BRIP1: variants seen among roughly 807,000 people sequenced by gnomAD.
BRIP1 encodes Fanconi anemia group J protein.
A neutral mutation model predicts 119.7 loss-of-function variants in BRIP1; 88 were observed. The ratio of observed to expected loss-of-function variants is 0.74; its 90% CI spans 0.62 to 0.88. BRIP1 has a LOEUF of 0.88. BRIP1 is among the 40% of genes least tolerant of loss of function. The probability of loss-of-function intolerance (pLI) is 0.00; values close to 1 mark genes in which losing one functional copy is unlikely to be tolerated. For synonymous variants in BRIP1, 443 were observed against 496.5 expected, an observed-to-expected ratio of 0.89 and a Z score of 1.43; for missense variants, 1,259 against 1,455.4, an observed-to-expected ratio of 0.87 and a Z score of 2.20.
intron 9 of BRIP1, among the ~76,000 whole-genome samples, chr17:61,797,015 G>A (rs2077910119): frequency 6.6e-6 from 1 of 151,952 alleles, no homozygotes; most frequent in African/African-American, 2.4e-5. Context: ...CAGAACACAG[G>A]AAGAAAAGCA....
At position 61,756,522 on chromosome 17, in the gene BRIP1, C is replaced by G. The variant is rs1024669483; in HGVS notation, c.2098-11931G>C. 1.3e-5 allele frequency among the ~76,000 whole-genome samples: 2 copies of G among 152,136 alleles called. No individual in the cohort carries two copies. The highest frequency in any genetic ancestry group is 4.8e-5 in the African/African-American group (2 of 41,428). ...GTTCACATCACTTCAATTTGTTAACCTCAGAGGCAATTTTTTTTAAAGTCA... is the reference window on the plus strand; with the variant it reads ...GTTCACATCACTTCAATTTGTTAACGTCAGAGGCAATTTTTTTTAAAGTCA... On this transcript the variant is annotated intron_variant, in intron 14 of 19. Transcript: ENST00000259008. The surrounding 1 kb of genome is among the most constrained non-coding windows in gnomAD (Gnocchi z 4.3).
In BRIP1 at chr17:61,686,750, A is replaced by C. The variant is rs2061370959; in HGVS notation, c.2576-585T>G. Among the ~76,000 whole-genome samples the C allele has an allele frequency of 6.6e-6, 1 of 152,044 alleles. No individual in the cohort carries two copies. The highest frequency in any genetic ancestry group is 2.4e-5 in the African/African-American group (1 of 41,416). ...TATAATTATTTTTAATATATAATCA[A>C]GTTATAAAGGATATGATTTGACCTG... On this transcript the variant is annotated intron_variant, in intron 18 of 19. Transcript: ENST00000259008. This position sits in a 1 kb window ranked among gnomAD's most constrained non-coding sequence, Gnocchi z 5.4.
At chr17:61,818,996 G>T (rs555092355) in intron 6 of BRIP1, among the ~76,000 whole-genome samples, 13 of 152,084 alleles carry the variant, frequency 8.5e-5, no homozygotes, top group Non-Finnish European at 1.8e-4. Context: ...GACCAGCCTG[G>T]CCAACTTGGT....
chr17:61,733,872 A>ACTT (rs2076883896), intron 16 of BRIP1, among the ~76,000 whole-genome samples: 1 of 152,104 alleles, frequency 6.6e-6, no homozygotes, highest in Non-Finnish European at 1.5e-5. Flanking sequence ...TTGTAAGGGC[A>ACTT]CTTCTGACAA....
Position 61,739,165 on chromosome 17 carries a change from A to G in BRIP1, c.2379+3848T>C, listed in dbSNP as rs757772780. On this transcript the variant is annotated intron_variant, in intron 16 of 19. Coordinates refer to ENST00000259008, the MANE Select transcript of BRIP1 (RefSeq NM_032043.3). This position sits in a 1 kb window ranked among gnomAD's most constrained non-coding sequence, Gnocchi z 6.0. ...TTAACAAAGCAGCCTTAGTGCAATA[A>G]TGTAGAGCTAGAGTAAAATGATAAG... 1.2e-4 allele frequency: 22 copies of G among 181,926 alleles called. No individual in the cohort carries two copies. Among genetic ancestry groups the G allele is most frequent in the Admixed American group, 3.1e-4 (5 of 15,982 alleles). 11.3% of individuals were successfully genotyped at this position (181,926 alleles called of 1,614,324 possible).
Position 61,845,635 on chromosome 17 carries a change from G to A in BRIP1, c.627+1466C>T, listed in dbSNP as rs1362023385. Among the ~76,000 whole-genome samples, 1 of 152,058 alleles carries A rather than the reference G, an allele frequency of 6.6e-6. No individual in the cohort carries two copies. Among genetic ancestry groups the A allele is most frequent in the Non-Finnish European group, 1.5e-5 (1 of 68,012 alleles). On this transcript the variant is annotated intron_variant, in intron 6 of 19. Transcript: ENST00000259008. The surrounding 1 kb of genome is among the most constrained non-coding windows in gnomAD (Gnocchi z 4.2). ...CATTTTATCATAAAGAATTACCATG[G>A]TTAGTATATCATTCACTCTTTTTCA...
At chr17:61,764,827 G>A (rs1447498552) in intron 14 of BRIP1, among the ~76,000 whole-genome samples, 1 of 152,060 alleles carries the variant, frequency 6.6e-6, no homozygotes, top group African/African-American at 2.4e-5. Flanking sequence ...AGCACAGGGA[G>A]TTAGGATGAA....
chr17:61,786,757 T>C (rs188270940), intron 10 of BRIP1, among the ~76,000 whole-genome samples: 1,891 of 136,104 alleles, frequency 0.014, 39 homozygotes, highest in African/African-American at 0.047. Flanking sequence ...CTATATTATA[T>C]ATTTTATATA....
rs549396136 is a variant in BRIP1, at chr17:61,851,637, A to G, written c.380-2381T>C. ...ATGAGTCTATCACTGTGCTAACCTC[A>G]GTCTGTCTTAATTACTCTATATTTA... On this transcript the variant is annotated intron_variant, in intron 4 of 19. Coordinates refer to ENST00000259008, the MANE Select transcript of BRIP1 (RefSeq NM_032043.3). This position sits in a 1 kb window ranked among gnomAD's most constrained non-coding sequence, Gnocchi z 4.6. 6.6e-6 allele frequency among the ~76,000 whole-genome samples: 1 copy of G among 152,286 alleles called. No homozygotes were observed. Among genetic ancestry groups the G allele is most frequent in the African/African-American group, 2.4e-5 (1 of 41,558 alleles).
intron 6 of BRIP1, among the ~76,000 whole-genome samples, chr17:61,833,780 T>G (rs1470038620): frequency 6.6e-6 from 1 of 152,050 alleles, no homozygotes; most frequent in Non-Finnish European, 1.5e-5. Flanking sequence ...AGGCAAGAGA[T>G]TCACACTAAC....
rs1215298419 is a variant in BRIP1 at position 61,823,424 on chromosome 17, T to C, written c.628-14667A>G. 6.6e-6 allele frequency among the ~76,000 whole-genome samples: 1 copy of C among 152,204 alleles called. No homozygotes were observed. Among genetic ancestry groups the C allele is most frequent in the African/African-American group, 2.4e-5 (1 of 41,452 alleles). ...CAAAGAGGTGATAACTACATTACTT[T>C]ACTTCTACAGATGAAAACACAATAA... On this transcript the variant is annotated intron_variant, in intron 6 of 19. Transcript: ENST00000259008. This position sits in a 1 kb window ranked among gnomAD's most constrained non-coding sequence, Gnocchi z 4.8.
chr17:61,685,124 G>A (rs1045920148), intron 19 of BRIP1: 8 of 152,346 alleles, frequency 5.3e-5, no homozygotes, highest in South Asian at 2.1e-4. Context: ...TAATGTATCT[G>A]TTGCGACTAC....
chr17:61,787,707 C>A (rs1463454404), intron 10 of BRIP1, among the ~76,000 whole-genome samples: 2 of 151,872 alleles, frequency 1.3e-5, no homozygotes, highest in Non-Finnish European at 2.9e-5. Flanking sequence ...TGCAGTGGCG[C>A]GATTTCGGCT....
intron 18 of BRIP1, among the ~76,000 whole-genome samples, chr17:61,692,524 A>G (rs2061462638): frequency 2.0e-5 from 3 of 152,198 alleles, no homozygotes; most frequent in African/African-American, 7.2e-5. Context: ...AAAGAAATCC[A>G]AATAACCCAA....
rs1001285348 is a variant in BRIP1 at position 61,686,338 on chromosome 17, CAGTAACATATG to C, written c.2576-184_2576-174del. On this transcript the variant is annotated intron_variant, in intron 18 of 19. Transcript: ENST00000259008. The surrounding 1 kb of genome is among the most constrained non-coding windows in gnomAD (Gnocchi z 5.4). ...TTCAGCAATTTTACTACATATGTAT[CAGTAACATATG>C]AGTAACATTCTCTTTATATACAGTA... Among the ~76,000 whole-genome samples the C allele has an allele frequency of 6.6e-6, 1 of 152,106 alleles. No individual in the cohort carries two copies. Among genetic ancestry groups the C allele is most frequent in the African/African-American group, 2.4e-5 (1 of 41,420 alleles).
intron 17 of BRIP1, among the ~76,000 whole-genome samples, chr17:61,711,689 C>A (rs924571179): frequency 4.6e-5 from 7 of 151,696 alleles, no homozygotes; most frequent in African/African-American, 1.7e-4. Flanking sequence ...GCCAACATAG[C>A]GAAACCCGTC....
rs1184748034 is a variant in BRIP1 at position 61,740,440 on chromosome 17, A to G, written c.2379+2573T>C. Among the ~76,000 whole-genome samples, 1 of 152,212 alleles carries G rather than the reference A, an allele frequency of 6.6e-6. No individual in the cohort carries two copies. Among genetic ancestry groups the G allele is most frequent in the Non-Finnish European group, 1.5e-5 (1 of 68,034 alleles). ...GCACCTGGCCCAGGACCAGACTTTG[A>G]AAATAACTCCTGTTGACCAAAGACA... On this transcript the variant is annotated intron_variant, in intron 16 of 19. Transcript: ENST00000259008. The surrounding 1 kb of genome is among the most constrained non-coding windows in gnomAD (Gnocchi z 5.4).
At chr17:61,714,684 AT>A (rs146870174) in intron 17 of BRIP1, among the ~76,000 whole-genome samples, 2,582 of 152,276 alleles carry the variant, frequency 0.017, 29 homozygotes, top group South Asian at 0.025. Context: ...CAAAGCACAA[AT>A]CTTAATGGGC....
rs1555572700 is a variant in BRIP1 at position 61,683,739 on chromosome 17, T to C, written c.3307A>G (p.Ile1103Val). 1 of 1,614,186 alleles carries C rather than the reference T, an allele frequency of 6.2e-7. No individual in the cohort carries two copies. Among genetic ancestry groups the C allele is most frequent in the Non-Finnish European group, 8.5e-7 (1 of 1,180,018 alleles). The change falls in exon 20 of 20, where the codon ATT (isoleucine) becomes GTT (valine). Residue 1103 changes from isoleucine to valine, a missense_variant. Physicochemically the swap from Ile to Val is conservative, Grantham distance 29 (BLOSUM62 3). Around this residue, in one of 3 missense-constraint regions of BRIP1, gnomAD observed 753 missense variants for 891.8 expected, o/e 0.84. Coordinates refer to ENST00000259008, the MANE Select transcript of BRIP1 (RefSeq NM_032043.3). The surrounding 1 kb of genome is among the most constrained non-coding windows in gnomAD (Gnocchi z 4.7). ...TCTTCACTTACTAGAGACAATTCAA[T>C]GTCTGGATCCAGGGCTTCTTCAGAA... ...LCSEEALDPD[I>V]ELSLVSEEDK...
Sources: gnomAD v4.1 joint callset for allele counts (sites outside exome capture counted in the v4.1 genomes callset) on GRCh38, gnomAD v4.1.1 for gene constraint, gnomAD v4.1.1 regional missense constraint, Gnocchi (gnomAD v3.1) non-coding constraint, MANE v1.5 for transcripts, NCBI Gene and HGNC (gene_info 2026-07-23, HGNC 2026-07-21) for gene names.